STAG2: variants seen among roughly 807,000 people sequenced by gnomAD.
The protein encoded by STAG2 is STAG2 cohesin complex component.
In STAG2, 14 loss-of-function variants were observed where a neutral mutation model predicts 108.1. The observed-to-expected ratio is 0.13, with a 90% CI of 0.09 to 0.20. The LOEUF is 0.20. STAG2 is among the 10% of genes least tolerant of loss of function. The probability of loss-of-function intolerance (pLI) is 1.00; values close to 1 mark genes in which losing one functional copy is unlikely to be tolerated. For missense variants in STAG2, 440 were observed against 940.9 expected, an observed-to-expected ratio of 0.47 and a Z score of 6.96; for synonymous variants, 307 against 302.7, an observed-to-expected ratio of 1.01 and a Z score of -0.15.
At chrX:123,970,694 A>G (rs1306603314) in intron 1 of STAG2, among the ~76,000 whole-genome samples, 1 of 111,931 alleles carries the variant, frequency 8.9e-6, no homozygotes, top group African/African-American at 3.2e-5. Flanking sequence ...CATTTTATTT[A>G]TAAGAAGGAA....
chrX:124,093,538 TGTGA>T (rs1051566453), intron 32 of STAG2, among the ~76,000 whole-genome samples: 7 of 106,390 alleles, frequency 6.6e-5, no homozygotes, highest in Admixed American at 6.2e-4. Context: ...GTAGGCATTG[TGTGA>T]GTGAGTGCGC....
rs774124020 is a variant in STAG2 at position 124,054,103 on chromosome X, T to G, written c.1197-2025T>G. On this transcript the variant is annotated intron_variant, in intron 13 of 34. Transcript: ENST00000371145. ...TTACATTGTTGATGGGAGTATAAAT[T>G]GGTCTAAGCTCCTTGGAGAAAAACT... 1.2e-4 allele frequency among the ~76,000 whole-genome samples: 14 copies of G among 112,314 alleles called. No homozygotes were observed. The South Asian group carries it at 4.4e-3, about 35-fold the overall frequency.
intron 29 of STAG2, 51 bp from the exon 30 acceptor site, chrX:124,086,496 A>ACAG (rs1251813531): frequency 9.7e-7 from 1 of 1,027,171 alleles, no homozygotes; most frequent in South Asian, 2.0e-5. Context: ...ATGAGTTAAT[A>ACAG]TAACCCACAG....
chrX:124,080,604 C>T (rs1159041665), intron 27 of STAG2, among the ~76,000 whole-genome samples: 1 of 109,976 alleles, frequency 9.1e-6, no homozygotes, highest in East Asian at 2.8e-4. Context: ...AGGAGAATGG[C>T]GTGAACCCGG....
intron 31 of STAG2, 33 bp from the exon 32 acceptor site, chrX:124,090,816 AAAGTT>A (rs2059238719): frequency 8.3e-7 from 1 of 1,202,752 alleles, no homozygotes; most frequent in Non-Finnish European, 1.1e-6. Context: ...TTACATAGAA[AAAGTT>A]AAGTTAAAAG....
chrX:123,978,386 A>G (rs935725850), intron 1 of STAG2, among the ~76,000 whole-genome samples: 2 of 109,558 alleles, frequency 1.8e-5, no homozygotes, highest in Non-Finnish European at 1.9e-5. Context: ...GCTCCCACTT[A>G]TAAGTGAGAA....
chrX:124,000,501 C>T (rs2055979250), intron 1 of STAG2, among the ~76,000 whole-genome samples: 1 of 110,190 alleles, frequency 9.1e-6, no homozygotes, highest in African/African-American at 3.3e-5. Context: ...GAGATGCCAT[C>T]TTTACAAGAA....
At chrX:124,067,461 T>C (rs1336726963) in intron 23 of STAG2, among the ~76,000 whole-genome samples, 1 of 109,789 alleles carries the variant, frequency 9.1e-6, no homozygotes, top group East Asian at 2.9e-4. Context: ...AGACATGGAG[T>C]TTCACCATGT....
At chrX:124,026,051 C>CTT in intron 4 of STAG2, 133 bp downstream of exon 4, 1 of 355,926 alleles carries the variant, frequency 2.8e-6, no homozygotes, top group South Asian at 8.8e-5. Context: ...GTATGGTAAG[C>CTT]CTTCTGAGTA....
intron 1 of STAG2, among the ~76,000 whole-genome samples, chrX:124,006,436 ATTTTT>A (rs36109062): frequency 4.7e-5 from 3 of 64,227 alleles, no homozygotes; most frequent in Non-Finnish European, 5.9e-5. Context: ...TGTTGTCACT[ATTTTT>A]TTTTTTTTTT....
At chrX:124,068,494 A>G in intron 23 of STAG2, 70 bp from the exon 24 acceptor site, 1 of 707,161 alleles carries the variant, frequency 1.4e-6, no homozygotes. Flanking sequence ...TACATAATTG[A>G]AAACATTTTA....
At chrX:124,033,744 A>G (rs769883443) in intron 5 of STAG2, among the ~76,000 whole-genome samples, 1 of 112,166 alleles carries the variant, frequency 8.9e-6, no homozygotes, top group South Asian at 3.7e-4. Context: ...CCTGGGCAAC[A>G]AGAGTGAAAC....
chrX:123,964,032 A>G (rs1452482824), intron 1 of STAG2, among the ~76,000 whole-genome samples: 1 of 111,656 alleles, frequency 9.0e-6, no homozygotes, highest in Admixed American at 9.6e-5. Flanking sequence ...TTGTAGCTGG[A>G]TGAATACAGA....
In STAG2 at chrX:123,995,211, A is replaced by G. The variant is rs762994481; in HGVS notation, c.-162-26156A>G. Among the ~76,000 whole-genome samples, 7 of 111,868 alleles carry G rather than the reference A, an allele frequency of 6.3e-5. No homozygotes were observed. In the South Asian group the frequency reaches 2.6e-3, roughly 42 times the overall value. On this transcript the variant is annotated intron_variant, in intron 1 of 34. Transcript: ENST00000371145. Reference sequence around the variant, plus strand: ...TGTATGTGACAATGGGAGCAGGTAAAGAGATGAGCAGGCTACAAGATAAAG... The same window carrying G: ...TGTATGTGACAATGGGAGCAGGTAAGGAGATGAGCAGGCTACAAGATAAAG...
intron 16 of STAG2, 91 bp from the exon 17 acceptor site, chrX:124,061,680 G>A (rs1329255319): frequency 4.6e-6 from 3 of 655,483 alleles, no homozygotes; most frequent in Non-Finnish European, 6.5e-6. Context: ...ACAGGCAGAA[G>A]AAACTGTTAT....
chrX:123,965,025 A>G (rs964324592), intron 1 of STAG2, among the ~76,000 whole-genome samples: 12 of 96,781 alleles, frequency 1.2e-4, no homozygotes, highest in Non-Finnish European at 2.4e-4. Flanking sequence ...TTCCCCCAGG[A>G]GATACATTTT....
intron 1 of STAG2, among the ~76,000 whole-genome samples, chrX:123,996,707 G>C (rs2055753544): frequency 9.0e-6 from 1 of 111,661 alleles, no homozygotes; most frequent in Admixed American, 9.5e-5. Flanking sequence ...ATTCATCCGG[G>C]GTGTTGTGTT....
At chrX:124,096,917 G>T (rs942863543) in intron 34 of STAG2, among the ~76,000 whole-genome samples, 2 of 112,461 alleles carry the variant, frequency 1.8e-5, no homozygotes, top group Non-Finnish European at 3.8e-5. Flanking sequence ...AGTGGCTCAT[G>T]CCTGTAATCC....
At position 124,024,288 on chromosome X, in the gene STAG2, A is replaced by G. The variant is rs905100738; in HGVS notation, c.45-1552A>G. Among the ~76,000 whole-genome samples, 4 of 111,695 alleles carry G rather than the reference A, an allele frequency of 3.6e-5. No homozygotes were observed. In the East Asian group the frequency reaches 1.1e-3, roughly 31 times the overall value. On this transcript the variant is annotated intron_variant, in intron 3 of 34. Coordinates refer to ENST00000371145, the MANE Select transcript of STAG2 (RefSeq NM_001042750.2). ...GATTTTCTTCAGACTTAAAGCAGTT[A>G]CTTAGCTCTTTAAGAGAGCTGGTGT...
Sources: gnomAD v4.1 joint callset for allele counts (sites outside exome capture counted in the v4.1 genomes callset) on GRCh38, gnomAD v4.1.1 for gene constraint, MANE v1.5 for transcripts, NCBI Gene and HGNC (gene_info 2026-07-23, HGNC 2026-07-21) for gene names.